Variants in ASTN1 observed in about 807,000 individuals in gnomAD.
ASTN1 encodes astrotactin 1, also known as astrotactin-1.
ASTN1 carries 41 observed loss-of-function variants against 140.7 expected under a neutral mutation model. That is an observed-to-expected ratio of 0.29 (90% CI 0.23 to 0.38). The LOEUF (loss-of-function observed/expected upper bound fraction) is 0.38, where lower values mean the gene tolerates loss of function less well. Among genes scored for constraint, ASTN1 ranks in the 10% least tolerant of loss-of-function variants. The probability of loss-of-function intolerance (pLI) is 1.00; values close to 1 mark genes in which losing one functional copy is unlikely to be tolerated. For synonymous variants in ASTN1, 640 were observed against 652.2 expected, an observed-to-expected ratio of 0.98 and a Z score of 0.29; for missense variants, 1,479 against 1,678.8, an observed-to-expected ratio of 0.88 and a Z score of 2.08.
intron 1 of ASTN1, among the ~76,000 whole-genome samples, chr1:177,153,891 A>G (rs1175874110): frequency 2.0e-5 from 3 of 152,166 alleles, no homozygotes; most frequent in East Asian, 3.9e-4. Flanking sequence ...CTTTACACTC[A>G]GTGGATTGAC....
chr1:177,154,486 C>T (rs957950686), intron 1 of ASTN1, among the ~76,000 whole-genome samples: 10 of 152,186 alleles, frequency 6.6e-5, no homozygotes, highest in South Asian at 4.2e-4. Flanking sequence ...CGAATATTAC[C>T]GTTATTACAG....
In ASTN1 at chr1:177,049,273, GT is replaced by G. The variant is rs573137585; in HGVS notation, c.471+11804del. On this transcript the variant is annotated intron_variant, in intron 2 of 22. Coordinates refer to ENST00000361833, the MANE Select transcript of ASTN1 (RefSeq NM_004319.3). Reference sequence around the variant, plus strand: ...TCCTGGTATGGGTGTGCCAATTGCTGTTAAAGGGGTGGGACATGTTTATGTT... The same window carrying G: ...TCCTGGTATGGGTGTGCCAATTGCTGTAAAGGGGTGGGACATGTTTATGTT... Among the ~76,000 whole-genome samples the G allele has an allele frequency of 1.1e-3, 168 of 152,218 alleles. 1 individual carries two copies. Among genetic ancestry groups the G allele is most frequent in the Non-Finnish European group, 2.0e-3 (138 of 68,016 alleles).
chr1:176,870,657 T>G (rs1382255355), intron 21 of ASTN1, among the ~76,000 whole-genome samples: 1 of 152,212 alleles, frequency 6.6e-6, no homozygotes, highest in Non-Finnish European at 1.5e-5. Flanking sequence ...TGATACCAGG[T>G]GACACCAATC....
intron 8 of ASTN1, among the ~76,000 whole-genome samples, chr1:176,979,276 T>TGTAGCAATG (rs772885860): frequency 3.3e-5 from 5 of 152,116 alleles, no homozygotes; most frequent in Non-Finnish European, 7.4e-5. Flanking sequence ...GTTATGATGA[T>TGTAGCAATG]GTAGCAATGG....
chr1:176,897,618 T>C (rs961429567), intron 16 of ASTN1, among the ~76,000 whole-genome samples: 1 of 152,014 alleles, frequency 6.6e-6, no homozygotes, highest in African/African-American at 2.4e-5. Flanking sequence ...AAATAAACTA[T>C]GAAAAAGTAA....
At position 176,934,189 on chromosome 1, in the gene ASTN1, C is replaced by T. The variant is rs1671332899; in HGVS notation, c.2634G>A (p.Gln878=). 6.2e-7 allele frequency: 1 copy of T among 1,613,486 alleles called. No individual in the cohort carries two copies. The highest frequency in any genetic ancestry group is 1.1e-5 in the South Asian group (1 of 91,036). ...CTTCATACTCCAGCCAGAGTCGCCG[C>T]TGGACCTGCTTGTTTGGGTACCAGA... ...CSIWYPNKQV[Q]RRLWLEYEDI... The change falls in exon 16 of 23, where the codon CAG becomes CAA. Residue 878 remains glutamine (Q), a synonymous_variant. Coordinates refer to ENST00000361833, the MANE Select transcript of ASTN1 (RefSeq NM_004319.3).
intron 1 of ASTN1, among the ~76,000 whole-genome samples, chr1:177,092,860 G>T (rs1679825997): frequency 6.6e-6 from 1 of 152,128 alleles, no homozygotes; most frequent in African/African-American, 2.4e-5. Context: ...ATCTCATTGG[G>T]TTTTTTATTT....
chr1:176,982,813 C>T (rs981171882), intron 8 of ASTN1, among the ~76,000 whole-genome samples: 1 of 152,146 alleles, frequency 6.6e-6, no homozygotes, highest in Non-Finnish European at 1.5e-5. Flanking sequence ...ATAGACAACC[C>T]AGGAACACAG....
intron 1 of ASTN1, among the ~76,000 whole-genome samples, chr1:177,061,852 G>C (rs1678113958): frequency 6.6e-6 from 1 of 152,202 alleles, no homozygotes; most frequent in South Asian, 2.1e-4. Context: ...GTAAAGTAAT[G>C]TTATAATTCC....
At chr1:176,952,293 G>A (rs538044953) in intron 11 of ASTN1, among the ~76,000 whole-genome samples, 12 of 149,898 alleles carry the variant, frequency 8.0e-5, no homozygotes, top group East Asian at 2.0e-4. Flanking sequence ...ACACACACAC[G>A]CACATGCATG....
At chr1:177,094,207 TCA>T (rs1467926570) in intron 1 of ASTN1, among the ~76,000 whole-genome samples, 7 of 152,296 alleles carry the variant, frequency 4.6e-5, no homozygotes, top group African/African-American at 1.4e-4. Context: ...ACATCAAGGC[TCA>T]CAGACACTAA....
chr1:177,118,801 G>C (rs1405949230), intron 1 of ASTN1, among the ~76,000 whole-genome samples: 1 of 152,150 alleles, frequency 6.6e-6, no homozygotes, highest in Non-Finnish European at 1.5e-5. Context: ...GGGAAATGCT[G>C]TTGGTCCACT....
chr1:177,087,664 C>T (rs78316683), intron 1 of ASTN1, among the ~76,000 whole-genome samples: 4 of 152,282 alleles, frequency 2.6e-5, no homozygotes, highest in Non-Finnish European at 4.4e-5. Context: ...AGTCCGCAAC[C>T]GTGTTTCACG....
rs1668012296 is a variant in ASTN1, at chr1:176,862,873, G to A, written c.*1411C>T. The A allele has an allele frequency of 1.4e-5, 14 of 985,452 alleles. No homozygotes were observed. The highest frequency in any genetic ancestry group is 1.7e-5 in the Non-Finnish European group (14 of 829,948). The allele number at this position is 985,452 out of a possible 1,614,324, so 61.0% of individuals were successfully genotyped here. ...TATAGCTCAATGACTAGCCTTATAGGTCTTGCATCTGTTTGCTGACCTTTC... is the reference window on the plus strand; with the variant it reads ...TATAGCTCAATGACTAGCCTTATAGATCTTGCATCTGTTTGCTGACCTTTC... On this transcript the variant is annotated 3_prime_UTR_variant, in exon 23 of 23. Transcript: ENST00000361833.
chr1:177,075,314 C>T (rs1295442781), intron 1 of ASTN1, among the ~76,000 whole-genome samples: 2 of 151,900 alleles, frequency 1.3e-5, no homozygotes, highest in Non-Finnish European at 2.9e-5. Context: ...CCTCGTGATC[C>T]ACCCACCTCG....
chr1:176,905,159 G>A lies in ASTN1; in HGVS notation c.2672-10329C>T, dbSNP rs139250196. On this transcript the variant is annotated intron_variant, in intron 16 of 22. Transcript: ENST00000361833. Reference sequence around the variant, plus strand: ...GCACAGGGCAGGGAACACCTGGATAGTTCTACAAAGGGTAAAACTGACAAA... The same window carrying A: ...GCACAGGGCAGGGAACACCTGGATAATTCTACAAAGGGTAAAACTGACAAA... Among the ~76,000 whole-genome samples the A allele has an allele frequency of 5.7e-4, 87 of 152,298 alleles. 2 individuals are homozygous for A. In the East Asian group the frequency reaches 0.011, roughly 19 times the overall value.
chr1:177,110,256 A>C (rs1379058511), intron 1 of ASTN1, among the ~76,000 whole-genome samples: 1 of 152,258 alleles, frequency 6.6e-6, no homozygotes, highest in African/African-American at 2.4e-5. Context: ...ATTACATGCA[A>C]AAAGACCTTT....
chr1:177,001,727 G>A (rs2101914326), intron 8 of ASTN1, among the ~76,000 whole-genome samples: 1 of 152,324 alleles, frequency 6.6e-6, no homozygotes, highest in East Asian at 1.9e-4. Context: ...AGATGAAATA[G>A]GTGGTTACTC....
intron 2 of ASTN1, among the ~76,000 whole-genome samples, chr1:177,039,182 A>T (rs1676862169): frequency 6.6e-6 from 1 of 152,218 alleles, no homozygotes; most frequent in Non-Finnish European, 1.5e-5. Context: ...TTACCTTAGG[A>T]GTAAGAAGAA....
Sources: allele counts gnomAD v4.1 joint callset (sites outside exome capture counted in the v4.1 genomes callset), GRCh38; gene constraint gnomAD v4.1.1; transcripts MANE v1.5; gene names NCBI Gene and HGNC (gene_info 2026-07-23, HGNC 2026-07-21).